KMT2E: variants seen among roughly 807,000 people sequenced by gnomAD.
KMT2E encodes the protein lysine methyltransferase 2E (inactive).
A neutral mutation model predicts 184.6 loss-of-function variants in KMT2E; 30 were observed. The observed-to-expected ratio is 0.16, with a 90% CI of 0.12 to 0.22. The LOEUF is 0.22. KMT2E is among the 10% of genes least tolerant of loss of function. The probability of loss-of-function intolerance (pLI) is 1.00; values close to 1 mark genes in which losing one functional copy is unlikely to be tolerated. For synonymous variants in KMT2E, 815 were observed against 776.5 expected (o/e 1.05, Z -0.82); for missense variants, 2,023 against 2,237.4 (o/e 0.90, Z 1.93).
intron 13 of KMT2E, among the ~76,000 whole-genome samples, chr7:105,083,714 G>T (rs1483094317): frequency 1.3e-5 from 2 of 152,008 alleles, no homozygotes; most frequent in Non-Finnish European, 2.9e-5. Context: ...GTCTTTTTAT[G>T]ACTTTCCCCC....
intron 17 of KMT2E, 77 bp downstream of exon 17, chr7:105,102,271 A>AT: frequency 4.6e-6 from 6 of 1,292,188 alleles, no homozygotes; most frequent in Non-Finnish European, 6.3e-6. Flanking sequence ...TAAAAATTGG[A>AT]TTTTTAAGAC....
intron 3 of KMT2E, among the ~76,000 whole-genome samples, chr7:105,046,373 C>CT (rs955269387): frequency 1.3e-3 from 191 of 152,252 alleles, no homozygotes; most frequent in Middle Eastern, 0.01. Flanking sequence ...CAAAGGCTTT[C>CT]TTTTTTTCTT....
chr7:105,041,338 T>A (rs1252420746), intron 3 of KMT2E, among the ~76,000 whole-genome samples: 5 of 152,190 alleles, frequency 3.3e-5, no homozygotes, highest in Non-Finnish European at 5.9e-5. Context: ...GTATTTGATA[T>A]TGTTATTCCA....
chr7:105,041,046 T>G, intron 3 of KMT2E, 23 bp downstream of exon 3: 1 of 680,438 alleles, frequency 1.5e-6, no homozygotes, highest in Non-Finnish European at 1.9e-6. Context: ...ATTGGTTACA[T>G]AAGCAAAAAA....
At chr7:105,014,955 C>T (rs188674299) in intron 1 of KMT2E, among the ~76,000 whole-genome samples, 25 of 152,244 alleles carry the variant, frequency 1.6e-4, no homozygotes, top group Middle Eastern at 3.4e-3. Flanking sequence ...GCTGAAAAGC[C>T]ATATAGGCCC....
At chr7:105,017,825 A>G (rs1007520582) in intron 1 of KMT2E, among the ~76,000 whole-genome samples, 4 of 152,192 alleles carry the variant, frequency 2.6e-5, no homozygotes, top group African/African-American at 9.7e-5. Context: ...AGTGTAAATG[A>G]AAGGATCTCT....
At chr7:105,103,006 CATTA>C (rs1473231633) in intron 17 of KMT2E, 1 of 152,178 alleles carries the variant, frequency 6.6e-6, no homozygotes, top group Non-Finnish European at 1.5e-5. Context: ...TCGCAGGTTT[CATTA>C]GAGACAATCT....
At chr7:105,080,661 T>G (rs937605231) in intron 12 of KMT2E, among the ~76,000 whole-genome samples, 1 of 152,226 alleles carries the variant, frequency 6.6e-6, no homozygotes, top group Non-Finnish European at 1.5e-5. Context: ...ATAAAGTATA[T>G]AGAATAGTGT....
Position 105,072,325 on chromosome 7 carries a change from C to T in KMT2E, c.498-1294C>T, listed in dbSNP as rs150568613. ...TGGGCAACAGAGCGAGACTCCGTCT[C>T]AAAAAACAAAACAAAAAACAAAAAA... On this transcript the variant is annotated intron_variant, in intron 6 of 26. Transcript: ENST00000311117. Among the ~76,000 whole-genome samples the T allele has an allele frequency of 8.1e-3, 1,225 of 151,728 alleles. 24 individuals carry two copies. The highest frequency in any genetic ancestry group is 0.028 in the African/African-American group (1,176 of 41,376).
chr7:105,031,932 TG>T (rs1175352062), intron 1 of KMT2E, among the ~76,000 whole-genome samples: 3 of 151,026 alleles, frequency 2.0e-5, no homozygotes, highest in Admixed American at 2.0e-4. Flanking sequence ...TATCTGGGCA[TG>T]GTGGCGCGCC....
At chr7:105,081,482 G>A (rs115141449) in intron 12 of KMT2E, among the ~76,000 whole-genome samples, 2,007 of 151,770 alleles carry the variant, frequency 0.013, 51 homozygotes, top group African/African-American at 0.046. Context: ...TCTAGGGGTT[G>A]GGGTGGCAGT....
rs763277677 is a variant in KMT2E at position 105,090,094 on chromosome 7, A to C, written c.1444A>C (p.Asn482His). The change falls in exon 14 of 27, where the codon AAT becomes CAT. Residue 482 changes from asparagine (N) to histidine (H), a missense_variant. Asn to His is a moderately conservative substitution (Grantham distance 68, BLOSUM62 1). Transcript: ENST00000311117. ...KRSSESMENINSGYETRRKKG... is the reference protein window; with the variant it reads ...KRSSESMENIHSGYETRRKKG... Reference sequence around the variant, plus strand: ...TAGTTCTGAATCCATGGAAAATATCAATAGTGGTTATGAGACCAGACGGAA... The same window carrying C: ...TAGTTCTGAATCCATGGAAAATATCCATAGTGGTTATGAGACCAGACGGAA... 1 of 1,613,814 alleles carries C rather than the reference A, an allele frequency of 6.2e-7. No individual in the cohort carries two copies. Among genetic ancestry groups the C allele is most frequent in the Non-Finnish European group, 8.5e-7 (1 of 1,179,910 alleles).
At position 105,114,074 on chromosome 7, in the gene KMT2E, A is replaced by G. The variant is rs1194449142; in HGVS notation, c.*741A>G. 1 of 152,618 alleles carries G rather than the reference A, an allele frequency of 6.6e-6. No individual in the cohort carries two copies. Among genetic ancestry groups the G allele is most frequent in the African/African-American group, 2.4e-5 (1 of 41,448 alleles). 9.5% of individuals were successfully genotyped at this position (152,618 alleles called of 1,614,324 possible). ...TAATTCATGTTAATAAATCACAATT[A>G]TGTCAGTTTTACCAGATTGTCCTGT... On this transcript the variant is annotated 3_prime_UTR_variant, in exon 27 of 27. Transcript: ENST00000311117.
chr7:105,054,514 A>ATCTGTCTG (rs975762973), intron 3 of KMT2E, among the ~76,000 whole-genome samples: 18 of 137,456 alleles, frequency 1.3e-4, no homozygotes, highest in African/African-American at 2.3e-4. Context: ...CTATCTATCT[A>ATCTGTCTG]TCTGTCTGTC....
intron 17 of KMT2E, 29 bp from the exon 18 acceptor site, chr7:105,105,398 GAATTACATATAT>G: frequency 7.0e-7 from 1 of 1,436,246 alleles, no homozygotes. Flanking sequence ...GGAGAATTTG[GAATTACATATAT>G]AATGATCCAA....
intron 5 of KMT2E, among the ~76,000 whole-genome samples, 195 bp from the exon 6 acceptor site, chr7:105,066,532 A>G (rs947317484): frequency 1.3e-5 from 2 of 152,100 alleles, no homozygotes; most frequent in Non-Finnish European, 2.9e-5. Context: ...TATGTATCCT[A>G]TATTTATCCT....
Position 105,112,278 on chromosome 7 carries a change from G to A in KMT2E, c.4522G>A (p.Ala1508Thr). Residue 1508 changes from alanine to threonine, a missense_variant, in exon 27 of 27, where the codon GCC (alanine) becomes ACC (threonine). Physicochemically the swap from Ala to Thr is moderately conservative, Grantham distance 58. This residue lies in a region of KMT2E where 1,108 missense variants were observed against 1,050.9 expected (regional missense o/e 1.05). Coordinates refer to ENST00000311117, the MANE Select transcript of KMT2E (RefSeq NM_182931.3). ...NFYPAAQNLPANTQQATSGTL... is the reference protein window; with the variant it reads ...NFYPAAQNLPTNTQQATSGTL... ...TTATCCAGCAGCACAGAACCTTCCA[G>A]CCAATACTCAGCAGGCAACTTCTGG... The A allele has an allele frequency of 6.2e-7, 1 of 1,614,024 alleles. No homozygotes were observed. Among genetic ancestry groups the A allele is most frequent in the Non-Finnish European group, 8.5e-7 (1 of 1,180,014 alleles).
intron 26 of KMT2E, 58 bp downstream of exon 26, chr7:105,110,926 C>G: frequency 8.4e-7 from 1 of 1,186,166 alleles, no homozygotes; most frequent in African/African-American, 1.5e-5. Context: ...TGCAGAAAAG[C>G]TGATGGTTAT....
At chr7:105,017,821 A>C (rs1163896508) in intron 1 of KMT2E, among the ~76,000 whole-genome samples, 2 of 152,126 alleles carry the variant, frequency 1.3e-5, no homozygotes, top group Non-Finnish European at 1.5e-5. Context: ...TGTCAGTGTA[A>C]ATGAAAGGAT....
Sources: gnomAD v4.1 joint callset for allele counts (sites outside exome capture counted in the v4.1 genomes callset) on GRCh38, gnomAD v4.1.1 for gene constraint, gnomAD v4.1.1 regional missense constraint, MANE v1.5 for transcripts, NCBI Gene and HGNC (gene_info 2026-07-23, HGNC 2026-07-21) for gene names.